LPL: variants seen among roughly 807,000 people sequenced by gnomAD.
The protein encoded by LPL is lipoprotein lipase.
A neutral mutation model predicts 52.2 loss-of-function variants in LPL; 43 were observed. The observed-to-expected ratio is 0.82, with a 90% CI of 0.64 to 1.06. LPL has a LOEUF of 1.06. LPL is among the 50% of genes least tolerant of loss of function. The probability of loss-of-function intolerance (pLI) is 0.00; values close to 1 mark genes in which losing one functional copy is unlikely to be tolerated. For synonymous variants in LPL, 244 were observed against 215.6 expected, an observed-to-expected ratio of 1.13 and a Z score of -1.15; for missense variants, 639 against 585.3, an observed-to-expected ratio of 1.09 and a Z score of -0.95.
chr8:19,959,274 G>C lies in LPL; in HGVS notation c.1033G>C (p.Val345Leu). The stretch of plus-strand genomic sequence containing the variant: ...CTCCCCAACAGTCTTCCATTACCAA[G>C]TAAAGATTCATTTTTCTGGGACTGA... ...QMPYKVFHYQVKIHFSGTESE... is the reference protein window; with the variant it reads ...QMPYKVFHYQLKIHFSGTESE... The change falls in exon 7 of 10, where the codon GTA becomes CTA. Residue 345 changes from valine to leucine, a missense_variant. By Grantham distance (32) the Val-to-Leu change is conservative. Coordinates refer to ENST00000650287, the MANE Select transcript of LPL (RefSeq NM_000237.3). 6.2e-7 allele frequency: 1 copy of C among 1,614,072 alleles called. No homozygotes were observed. The highest frequency in any genetic ancestry group is 8.5e-7 in the Non-Finnish European group (1 of 1,179,994).
At chr8:19,959,237 T>C (rs1057286229) in intron 6 of LPL, 23 bp from the exon 7 acceptor site, 1 of 1,614,072 alleles carries the variant, frequency 6.2e-7, no homozygotes, top group Admixed American at 1.7e-5. Flanking sequence ...TTGATCAACA[T>C]GTTCGAATTT....
At chr8:19,952,621 GT>G (rs1357150332) in intron 3 of LPL, among the ~76,000 whole-genome samples, 4 of 152,292 alleles carry the variant, frequency 2.6e-5, no homozygotes, top group African/African-American at 9.6e-5. Context: ...AATAAGCTGT[GT>G]TTATTAGACT....
intron 9 of LPL, 93 bp downstream of exon 9, chr8:19,962,312 G>A: frequency 1.1e-6 from 1 of 923,132 alleles, no homozygotes; most frequent in South Asian, 1.3e-5. Flanking sequence ...ATCACCAGCA[G>A]CTTGCCCTGA....
chr8:19,957,250 T>C (rs1050473106), intron 6 of LPL, among the ~76,000 whole-genome samples: 4 of 152,172 alleles, frequency 2.6e-5, no homozygotes, highest in Non-Finnish European at 4.4e-5. Context: ...GGTCTTCGGA[T>C]AAATCCGGTG....
In LPL at chr8:19,954,327, G is replaced by A. The variant is rs750750025; in HGVS notation, c.749G>A (p.Arg250His). 18 of 1,613,988 alleles carry A rather than the reference G, an allele frequency of 1.1e-5. No homozygotes were observed. The highest frequency in any genetic ancestry group is 1.6e-4 in the Middle Eastern group (1 of 6,082). Reference sequence around the variant, plus strand: ...GGATGTAACATTGGAGAAGCTATCCGCGTGATTGCAGAGAGAGGACTTGGA... The same window carrying A: ...GGATGTAACATTGGAGAAGCTATCCACGTGATTGCAGAGAGAGGACTTGGA... Reference protein sequence around the residue: ...QPGCNIGEAIRVIAERGLGDV... With the variant: ...QPGCNIGEAIHVIAERGLGDV... The change falls in exon 5 of 10, where the codon CGC becomes CAC. Residue 250 changes from arginine (R) to histidine (H), a missense_variant. Coordinates refer to ENST00000650287, the MANE Select transcript of LPL (RefSeq NM_000237.3).
At chr8:19,960,497 A>C (rs552418640) in intron 7 of LPL, among the ~76,000 whole-genome samples, 1 of 152,338 alleles carries the variant, frequency 6.6e-6, no homozygotes, top group Non-Finnish European at 1.5e-5. Context: ...TAGGAAACCC[A>C]GGAAAACATA....
chr8:19,952,085 A>G (rs1228974028), intron 3 of LPL, 137 bp downstream of exon 3: 4 of 924,606 alleles, frequency 4.3e-6, no homozygotes, highest in Admixed American at 4.3e-5. Flanking sequence ...ATCAGCGTGG[A>G]TATTATTTTA....
In LPL at chr8:19,966,666, C is replaced by T. The variant is rs1158400318; in HGVS notation, c.*1356C>T. On this transcript the variant is annotated 3_prime_UTR_variant, in exon 10 of 10. Transcript: ENST00000650287. ...ATGTGTGTTGTCCTTCAGCATAATT[C>T]GGAAGGGAAAACAGTCGATCAAGGG... is the stretch of plus-strand genomic sequence containing the variant. The T allele has an allele frequency of 6.6e-6, 1 of 152,122 alleles. No individual in the cohort carries two copies. The highest frequency in any genetic ancestry group is 6.5e-5 in the Admixed American group (1 of 15,268). The allele number at this position is 152,122 out of a possible 1,614,324, so 9.4% of individuals were successfully genotyped here.
Position 19,959,241 on chromosome 8 carries a change from C to G in LPL, c.1019-19C>G, listed in dbSNP as rs749956123. The stretch of plus-strand genomic sequence containing the variant: ...TTTCATAAAGATTGATCAACATGTT[C>G]GAATTTCCTCCCCAACAGTCTTCCA... On this transcript the variant is annotated intron_variant, in intron 6 of 9. Coordinates refer to ENST00000650287, the MANE Select transcript of LPL (RefSeq NM_000237.3). 6.2e-7 allele frequency: 1 copy of G among 1,613,956 alleles called. No individual in the cohort carries two copies. The highest frequency in any genetic ancestry group is 1.7e-5 in the Admixed American group (1 of 60,006).
intron 5 of LPL, 25 bp downstream of exon 5, chr8:19,954,378 A>C (rs775552673): frequency 5.6e-6 from 9 of 1,595,654 alleles, no homozygotes; most frequent in Non-Finnish European, 7.7e-6. Context: ...GAAGCGAATT[A>C]AATGTGACTC....
intron 1 of LPL, among the ~76,000 whole-genome samples, chr8:19,940,428 G>T (rs1211769898): frequency 6.6e-6 from 1 of 152,222 alleles, no homozygotes; most frequent in South Asian, 2.1e-4. Context: ...GCGCCGCGTG[G>T]AGGCAGCGAG....
chr8:19,939,317 C>T lies in LPL; in HGVS notation c.-124C>T, dbSNP rs961858458. 1 of 815,454 alleles carries T rather than the reference C, an allele frequency of 1.2e-6. No individual in the cohort carries two copies. The highest frequency in any genetic ancestry group is 1.7e-5 in the African/African-American group (1 of 59,140). 50.5% of individuals were successfully genotyped at this position (815,454 alleles called of 1,614,324 possible). On this transcript the variant is annotated 5_prime_UTR_variant, in exon 1 of 10. Coordinates refer to ENST00000650287, the MANE Select transcript of LPL (RefSeq NM_000237.3). This position sits in a 1 kb window ranked among gnomAD's most constrained non-coding sequence, Gnocchi z 4.0. ...AGCTGCCCACTTCTAGCTGCCCTGC[C>T]ATCCCCTTTAAAGGGCGACTTGCTC...
rs1487775483 is a variant in LPL at position 19,967,004 on chromosome 8, G to T, written c.*1694G>T. On this transcript the variant is annotated 3_prime_UTR_variant, in exon 10 of 10. Transcript: ENST00000650287. The stretch of plus-strand genomic sequence containing the variant: ...TGTTATATATATCAAGGATGTTCTG[G>T]CTTTACATTTTATTTATTAGCTGTA... 6.6e-6 allele frequency: 1 copy of T among 152,550 alleles called. No homozygotes were observed. The highest frequency in any genetic ancestry group is 1.9e-4 in the East Asian group (1 of 5,198). The allele number at this position is 152,550 out of a possible 1,614,324, so 9.4% of individuals were successfully genotyped here. A position where few individuals can be genotyped will look rare whatever the true frequency, so the allele number is the denominator to read the frequency against.
At chr8:19,957,674 T>C (rs2069998828) in intron 6 of LPL, among the ~76,000 whole-genome samples, 1 of 152,200 alleles carries the variant, frequency 6.6e-6, no homozygotes, top group African/African-American at 2.4e-5. Flanking sequence ...TCTTCATCTT[T>C]TAGCAGCTGT....
intron 7 of LPL, among the ~76,000 whole-genome samples, chr8:19,960,550 G>A (rs1318296670): frequency 6.6e-6 from 1 of 152,158 alleles, no homozygotes; most frequent in African/African-American, 2.4e-5. Flanking sequence ...AAAGAATAGA[G>A]AATCGTATGT....
At chr8:19,953,499 G>A (rs1372820447) in intron 4 of LPL, 78 bp downstream of exon 4, 1 of 1,032,376 alleles carries the variant, frequency 9.7e-7, no homozygotes, top group South Asian at 1.3e-5. Context: ...AACAAATTTT[G>A]TTAAATACCC....
chr8:19,951,898 T>G lies in LPL; in HGVS notation c.379T>G (p.Tyr127Asp). The G allele has an allele frequency of 6.2e-7, 1 of 1,614,152 alleles. No homozygotes were observed. The part of the protein sequence containing the change: ...AQEHYPVSAG[Y>D]TKLVGQDVAR... Reference sequence around the variant, plus strand: ...GGAGCATTACCCAGTGTCCGCGGGCTACACCAAACTGGTGGGACAGGATGT... The same window carrying G: ...GGAGCATTACCCAGTGTCCGCGGGCGACACCAAACTGGTGGGACAGGATGT... Residue 127 changes from tyrosine (Y) to aspartate (D), a missense_variant, in exon 3 of 10, where the codon TAC becomes GAC. Transcript: ENST00000650287.
chr8:19,960,416 G>A (rs2070027635), intron 7 of LPL, among the ~76,000 whole-genome samples: 2 of 152,132 alleles, frequency 1.3e-5, no homozygotes, highest in South Asian at 4.1e-4. Flanking sequence ...ATCCAACATT[G>A]AGGCAGTGGG....
rs78326602 is a variant in LPL, at chr8:19,951,709, G to A, written c.250-60G>A. On this transcript the variant is annotated intron_variant, in intron 2 of 9. Transcript: ENST00000650287. ...CCATTTCATGCAGGTGTATTGGGCT[G>A]ATGTATCTATGACAAGTGGTAGGTG... is the stretch of plus-strand genomic sequence containing the variant. 8,956 of 1,578,774 alleles carry A rather than the reference G, an allele frequency of 5.7e-3. 42 individuals are homozygous for A. Among genetic ancestry groups the A allele is most frequent in the Non-Finnish European group, 7.4e-3 (8,444 of 1,147,890 alleles).
Sources: allele counts gnomAD v4.1 joint callset (sites outside exome capture counted in the v4.1 genomes callset), GRCh38; gene constraint gnomAD v4.1.1; non-coding constraint Gnocchi (gnomAD v3.1); transcripts MANE v1.5; gene names NCBI Gene and HGNC (gene_info 2026-07-23, HGNC 2026-07-21).